The following MB21D2 variants were observed in gnomAD, a reference collection of about 807,000 sequenced individuals.
MB21D2 encodes nucleotidyltransferase MB21D2.
In MB21D2, 9 loss-of-function variants were observed where a neutral mutation model predicts 33.3. The observed-to-expected ratio is 0.27, with a 90% CI of 0.16 to 0.47. MB21D2 has a LOEUF of 0.47. Among genes scored for constraint, MB21D2 ranks in the 20% least tolerant of loss-of-function variants. The probability of loss-of-function intolerance (pLI) is 0.99; values close to 1 mark genes in which losing one functional copy is unlikely to be tolerated. For synonymous variants in MB21D2, 241 were observed against 236.3 expected (o/e 1.02, Z -0.18); for missense variants, 540 against 624.6 (o/e 0.86, Z 1.44).
chr3:192,814,517 C>G (rs1030638537), intron 1 of MB21D2, among the ~76,000 whole-genome samples: 4 of 152,206 alleles, frequency 2.6e-5, no homozygotes, highest in East Asian at 3.9e-4. Context: ...ACGGGTAGAT[C>G]ATTTAAAAGA....
chr3:192,879,922 C>T (rs936899244), intron 1 of MB21D2, among the ~76,000 whole-genome samples: 1 of 152,130 alleles, frequency 6.6e-6, no homozygotes, highest in African/African-American at 2.4e-5. Context: ...AGAGGATGAG[C>T]TCACTCTGAG....
chr3:192,909,959 AAAAAGAAAG>A (rs1201184140), intron 1 of MB21D2, among the ~76,000 whole-genome samples: 7 of 142,488 alleles, frequency 4.9e-5, no homozygotes, highest in Non-Finnish European at 7.8e-5. Context: ...AAAAAAAAAA[AAAAAGAAAG>A]AGAGAGAGAG....
chr3:192,799,484 C>A lies in MB21D2; in HGVS notation c.378G>T (p.Lys126Asn). Residue 126 changes from lysine to asparagine, a missense_variant, in exon 2 of 2, where the codon AAG becomes AAT. Lys to Asn is a moderately conservative substitution (Grantham distance 94). Coordinates refer to ENST00000392452, the MANE Select transcript of MB21D2 (RefSeq NM_178496.4). This position sits in a 1 kb window ranked among gnomAD's most constrained non-coding sequence, Gnocchi z 4.1. Reference sequence around the variant, plus strand: ...TCACAGGCTGATTACGGTCATGCAGCTTGAGGGCTGGCACCAAGAGGGTAA... The same window carrying A: ...TCACAGGCTGATTACGGTCATGCAGATTGAGGGCTGGCACCAAGAGGGTAA... ...MDFTLLVPALKLHDRNQPVTL... is the reference protein window; with the variant it reads ...MDFTLLVPALNLHDRNQPVTL... 1 of 1,614,178 alleles carries A rather than the reference C, an allele frequency of 6.2e-7. No homozygotes were observed. Among genetic ancestry groups the A allele is most frequent in the Non-Finnish European group, 8.5e-7 (1 of 1,180,042 alleles).
At chr3:192,887,252 C>T (rs1713752013) in intron 1 of MB21D2, among the ~76,000 whole-genome samples, 1 of 152,068 alleles carries the variant, frequency 6.6e-6, no homozygotes, top group Non-Finnish European at 1.5e-5. Flanking sequence ...ATTCAAGCAA[C>T]CCTCTTACCT....
chr3:192,903,632 TAG>T (rs1321902920), intron 1 of MB21D2, among the ~76,000 whole-genome samples: 2 of 152,328 alleles, frequency 1.3e-5, no homozygotes, highest in East Asian at 3.9e-4. Context: ...ATAGTACTAA[TAG>T]AGTTTGGATA....
intron 1 of MB21D2, among the ~76,000 whole-genome samples, chr3:192,811,483 G>T (rs186292611): frequency 6.6e-6 from 1 of 152,214 alleles, no homozygotes; most frequent in Admixed American, 6.5e-5. Flanking sequence ...ACTGGTAAGG[G>T]ATTACTTGCT....
At chr3:192,916,862 C>A (rs1218912725) in intron 1 of MB21D2, among the ~76,000 whole-genome samples, 2 of 152,200 alleles carry the variant, frequency 1.3e-5, no homozygotes, top group Admixed American at 6.5e-5. Context: ...TCGGCCAGCG[C>A]TAAGACAATA....
intron 1 of MB21D2, among the ~76,000 whole-genome samples, chr3:192,803,685 T>TGGAAG (rs1251643317): frequency 6.6e-6 from 1 of 152,132 alleles, no homozygotes; most frequent in African/African-American, 2.4e-5. Flanking sequence ...AACACAGGGC[T>TGGAAG]GGAAGGGAAA....
At chr3:192,878,081 C>CT (rs11294126) in intron 1 of MB21D2, among the ~76,000 whole-genome samples, 161 of 119,470 alleles carry the variant, frequency 1.3e-3, no homozygotes, top group Middle Eastern at 5.8e-3. Context: ...AATTCCTCCT[C>CT]TTTTTTTTTT....
chr3:192,839,146 G>C (rs758532959), intron 1 of MB21D2, among the ~76,000 whole-genome samples: 4 of 152,010 alleles, frequency 2.6e-5, no homozygotes, highest in African/African-American at 9.7e-5. Flanking sequence ...CATGACTGCT[G>C]GAAAAAATAG....
chr3:192,914,018 T>C (rs1257513894), intron 1 of MB21D2, among the ~76,000 whole-genome samples: 1 of 152,208 alleles, frequency 6.6e-6, no homozygotes, highest in Admixed American at 6.5e-5. Flanking sequence ...ACGCTAAAAC[T>C]TATAGCTAAA....
intron 1 of MB21D2, among the ~76,000 whole-genome samples, chr3:192,895,759 C>T (rs1713957192): frequency 1.3e-5 from 2 of 151,964 alleles, no homozygotes; most frequent in Non-Finnish European, 2.9e-5. Flanking sequence ...TTGAGACCAG[C>T]TCTCACTGTG....
intron 1 of MB21D2, among the ~76,000 whole-genome samples, chr3:192,884,504 C>T (rs979970392): frequency 2.7e-5 from 4 of 149,418 alleles, no homozygotes; most frequent in Non-Finnish European, 5.9e-5. Context: ...GTAGCTGGGA[C>T]TACAGGCGCC....
chr3:192,886,165 G>T (rs909892476), intron 1 of MB21D2, among the ~76,000 whole-genome samples: 2 of 151,874 alleles, frequency 1.3e-5, no homozygotes, highest in Non-Finnish European at 2.9e-5. Context: ...TCACCATCTC[G>T]GTCAGGCTGG....
At chr3:192,815,391 G>C (rs565990781) in intron 1 of MB21D2, among the ~76,000 whole-genome samples, 2 of 152,282 alleles carry the variant, frequency 1.3e-5, no homozygotes, top group South Asian at 4.1e-4. Flanking sequence ...CGAGAGGCTT[G>C]TTAAAAATGC....
intron 1 of MB21D2, among the ~76,000 whole-genome samples, chr3:192,857,960 A>T (rs1712954834): frequency 6.6e-6 from 1 of 152,148 alleles, no homozygotes; most frequent in Non-Finnish European, 1.5e-5. Context: ...CCCTATCTCT[A>T]CTAAAATTAC....
In MB21D2 at chr3:192,894,456, C is replaced by T. The variant is rs573695319; in HGVS notation, c.211+23174G>A. Among the ~76,000 whole-genome samples the T allele has an allele frequency of 9.3e-4, 142 of 152,194 alleles. 3 individuals carry two copies. In the South Asian group the frequency reaches 0.017, roughly 18 times the overall value. On this transcript the variant is annotated intron_variant, in intron 1 of 1. Coordinates refer to ENST00000392452, the MANE Select transcript of MB21D2 (RefSeq NM_178496.4). ...GGATTTTTGAGTAGAACGTGGTTTC[C>T]GCAGCTTTTTGCCCAATCCTGTACC...
intron 1 of MB21D2, among the ~76,000 whole-genome samples, chr3:192,903,014 C>G (rs1468812246): frequency 5.9e-5 from 9 of 152,150 alleles, no homozygotes; most frequent in Admixed American, 5.9e-4. Context: ...CACGACAGAC[C>G]AAAAATACAC....
At chr3:192,903,607 A>C (rs1714147106) in intron 1 of MB21D2, among the ~76,000 whole-genome samples, 1 of 152,198 alleles carries the variant, frequency 6.6e-6, no homozygotes, top group Non-Finnish European at 1.5e-5. Context: ...ATTTCTCATC[A>C]GTAAAATAAG....
Sources: gnomAD v4.1 joint callset for allele counts (sites outside exome capture counted in the v4.1 genomes callset) on GRCh38, gnomAD v4.1.1 for gene constraint, Gnocchi (gnomAD v3.1) non-coding constraint, MANE v1.5 for transcripts, NCBI Gene and HGNC (gene_info 2026-07-23, HGNC 2026-07-21) for gene names.